The following MAP4K5 variants were observed in gnomAD, a reference collection of about 807,000 sequenced individuals.
The protein encoded by MAP4K5 is MAPK/ERK kinase kinase kinase 5.
In MAP4K5, 82 loss-of-function variants were observed where a neutral mutation model predicts 135.6. The observed-to-expected ratio is 0.60, with a 90% confidence interval of 0.51 to 0.73. MAP4K5 has a LOEUF of 0.73. Ranked by LOEUF, MAP4K5 falls within the 30% of genes least tolerant of loss-of-function variation. The probability of loss-of-function intolerance (pLI) is 0.00; values close to 1 mark genes in which losing one functional copy is unlikely to be tolerated. For synonymous variants in MAP4K5, 347 were observed against 335.0 expected, an observed-to-expected ratio of 1.04 and a Z score of -0.39; for missense variants, 907 against 1,010.9, an observed-to-expected ratio of 0.90 and a Z score of 1.39.
intron 14 of MAP4K5, chr14:50,450,527 G>T (rs1169593749): frequency 6.6e-6 from 1 of 152,112 alleles, no homozygotes; most frequent in African/African-American, 2.4e-5. Flanking sequence ...AACGGAACAA[G>T]GATTTGAATT....
At chr14:50,507,316 T>C (rs1038906776) in intron 2 of MAP4K5, among the ~76,000 whole-genome samples, 1 of 152,224 alleles carries the variant, frequency 6.6e-6, no homozygotes, top group Non-Finnish European at 1.5e-5. Flanking sequence ...CTGGATTCAC[T>C]GATTTTTTGA....
chr14:50,538,590 C>G (rs113293293), intron 2 of MAP4K5, among the ~76,000 whole-genome samples: 5,670 of 152,194 alleles, frequency 0.037, 101 homozygotes, highest in Middle Eastern at 0.058. Context: ...AAAAGGGTGC[C>G]CAAAGTTTGC....
intron 9 of MAP4K5, among the ~76,000 whole-genome samples, chr14:50,474,390 GAAAA>G (rs765442446): frequency 7.7e-6 from 1 of 130,226 alleles, no homozygotes; most frequent in Non-Finnish European, 1.7e-5. Context: ...CCCTGTCTCA[GAAAA>G]AAAAAAAAAG....
At chr14:50,538,951 C>CT (rs2038527504) in intron 2 of MAP4K5, among the ~76,000 whole-genome samples, 3 of 152,196 alleles carry the variant, frequency 2.0e-5, no homozygotes, top group African/African-American at 7.2e-5. Context: ...TCCCAAGTAG[C>CT]TGGGACTATG....
intron 1 of MAP4K5, among the ~76,000 whole-genome samples, chr14:50,556,548 TG>T (rs1258733879): frequency 1.3e-5 from 2 of 152,158 alleles, no homozygotes; most frequent in African/African-American, 4.8e-5. Flanking sequence ...ACCCAAGAGT[TG>T]TGCAAAGTTG....
At chr14:50,531,810 G>A (rs1238399254) in intron 2 of MAP4K5, 132 bp downstream of exon 2, 7 of 730,878 alleles carry the variant, frequency 9.6e-6, no homozygotes, top group Admixed American at 6.3e-5. Flanking sequence ...GAGTAAAAGG[G>A]ACCCCGGCCG....
Position 50,466,603 on chromosome 14 carries a change from T to C in MAP4K5, c.717A>G (p.Lys239=). 1 of 1,461,798 alleles carries C rather than the reference T, an allele frequency of 6.8e-7. No individual in the cohort carries two copies. Among genetic ancestry groups the C allele is most frequent in the African/African-American group, 1.4e-5 (1 of 71,340 alleles). 90.6% of individuals were successfully genotyped at this position (1,461,798 alleles called of 1,614,324 possible). ...CTCACCATTTTGTTTTGTCCTTTAG[T>C]TTTGGAGGCTGAAAATTACTTTTTG... The part of the protein sequence containing the change: ...LMSKSNFQPP[K]LKDKTKWSST... The change falls in exon 11 of 33, where the codon AAA becomes AAG. Residue 239 remains lysine (K), a synonymous_variant. Transcript: ENST00000682126.
At chr14:50,461,514 G>C (rs2036710539) in intron 13 of MAP4K5, among the ~76,000 whole-genome samples, 1 of 152,028 alleles carries the variant, frequency 6.6e-6, no homozygotes, top group South Asian at 2.1e-4. Flanking sequence ...GGAACATAAG[G>C]AGAGAAAGAG....
At chr14:50,474,025 T>A (rs1456416614) in intron 9 of MAP4K5, among the ~76,000 whole-genome samples, 1 of 152,142 alleles carries the variant, frequency 6.6e-6, no homozygotes, top group East Asian at 1.9e-4. Context: ...TATTTCCACA[T>A]ACGATTTTTT....
In MAP4K5 at chr14:50,532,135, T is replaced by C. The variant is rs1347828511; in HGVS notation, c.-86A>G. On this transcript the variant is annotated 5_prime_UTR_variant, in exon 2 of 33. The change abolishes an upstream ATG in the 5' untranslated region. Transcript: ENST00000682126. ...GCACGAACGGCGCCGCTTCCCAACA[T>C]GGAGCCTCCGCCCGCAGCTCCGTCT... is the stretch of plus-strand genomic sequence containing the variant. The C allele has an allele frequency of 2.5e-6, 2 of 796,326 alleles. No individual in the cohort carries two copies. The highest frequency in any genetic ancestry group is 5.4e-5 in the East Asian group (2 of 36,766). 49.3% of individuals were successfully genotyped at this position (796,326 alleles called of 1,614,324 possible).
chr14:50,426,928 CTA>C (rs1236282565), intron 30 of MAP4K5, among the ~76,000 whole-genome samples: 12 of 152,042 alleles, frequency 7.9e-5, no homozygotes. Context: ...TTTTATTAGA[CTA>C]TTAACTTTTT....
At chr14:50,527,280 C>T (rs1022118497) in intron 2 of MAP4K5, among the ~76,000 whole-genome samples, 2 of 151,930 alleles carry the variant, frequency 1.3e-5, no homozygotes, top group Admixed American at 1.3e-4. Context: ...CAGGAGGTTG[C>T]AGTAAGCTGA....
In MAP4K5 at chr14:50,560,394, G is replaced by C; in HGVS notation, c.-180+646C>G. Reference sequence around the variant, plus strand: ...AGACAGGGAGGGCCAAGGGCTGCTAGGTGCCTGCGTCCACGGCTGGGAGAC... The same window carrying C: ...AGACAGGGAGGGCCAAGGGCTGCTACGTGCCTGCGTCCACGGCTGGGAGAC... On this transcript the variant is annotated intron_variant, in intron 1 of 8. Coordinates refer to the MAP4K5 transcript ENST00000555216. The C allele has an allele frequency of 8.0e-6, 12 of 1,492,694 alleles. No individual in the cohort carries two copies. The South Asian group carries it at 1.4e-4, about 18-fold the overall frequency. The allele number at this position is 1,492,694 out of a possible 1,614,324, so 92.5% of individuals were successfully genotyped here. A position where few individuals can be genotyped will look rare whatever the true frequency, so the allele number is the denominator to read the frequency against.
At chr14:50,523,982 A>G (rs1244485838) in intron 2 of MAP4K5, among the ~76,000 whole-genome samples, 1 of 152,196 alleles carries the variant, frequency 6.6e-6, no homozygotes, top group Non-Finnish European at 1.5e-5. Flanking sequence ...TCAGAAAGGG[A>G]GGGAGGTTTT....
At chr14:50,450,165 A>T (rs2036450392) in intron 14 of MAP4K5, 1 of 152,140 alleles carries the variant, frequency 6.6e-6, no homozygotes, top group Non-Finnish European at 1.5e-5. Flanking sequence ...TCCTGACATC[A>T]GGAGTTCCTG....
intron 17 of MAP4K5, among the ~76,000 whole-genome samples, chr14:50,445,546 C>CA (rs1444496864): frequency 6.6e-6 from 1 of 152,046 alleles, no homozygotes; most frequent in African/African-American, 2.4e-5. Flanking sequence ...CTTCAATAAG[C>CA]AATAACCTGT....
At chr14:50,549,632 G>T (rs1465981575) in intron 1 of MAP4K5, among the ~76,000 whole-genome samples, 1 of 152,152 alleles carries the variant, frequency 6.6e-6, no homozygotes, top group Non-Finnish European at 1.5e-5. Flanking sequence ...TTCATATATG[G>T]CATGCTACGA....
chr14:50,554,888 G>T (rs2038746426), intron 1 of MAP4K5, among the ~76,000 whole-genome samples: 1 of 152,108 alleles, frequency 6.6e-6, no homozygotes, highest in African/African-American at 2.4e-5. Flanking sequence ...TACAGTCCTG[G>T]ATTTTTCTCA....
chr14:50,527,559 T>C (rs1396654127), intron 2 of MAP4K5, among the ~76,000 whole-genome samples: 1 of 152,090 alleles, frequency 6.6e-6, no homozygotes, highest in Non-Finnish European at 1.5e-5. Context: ...TTTAAAAACA[T>C]TTAGGAAATA....
Sources: gnomAD v4.1 joint callset for allele counts (sites outside exome capture counted in the v4.1 genomes callset) on GRCh38, gnomAD v4.1.1 for gene constraint, MANE v1.5 for transcripts, NCBI Gene and HGNC (gene_info 2026-07-23, HGNC 2026-07-21) for gene names.